The following PCYT1B variants were observed in gnomAD, a reference collection of about 807,000 sequenced individuals.
The protein encoded by PCYT1B is choline-phosphate cytidylyltransferase B.
Under a neutral mutation model 26.4 loss-of-function variants are expected in PCYT1B, and 10 were observed. The ratio of observed to expected loss-of-function variants is 0.38; its 90% CI spans 0.23 to 0.64. PCYT1B has a LOEUF of 0.64. PCYT1B is among the 30% of genes least tolerant of loss of function. The pLI, the probability that PCYT1B is intolerant of heterozygous loss-of-function variation, is 0.56. For missense variants in PCYT1B, 161 were observed against 292.7 expected (o/e 0.55, Z 3.28); for synonymous variants, 131 against 108.4 (o/e 1.21, Z -1.29).
At chrX:24,570,914 A>G (rs1166448100) in intron 7 of PCYT1B, among the ~76,000 whole-genome samples, 3 of 111,487 alleles carry the variant, frequency 2.7e-5, no homozygotes, top group Non-Finnish European at 5.6e-5. Flanking sequence ...AAGGAAAATG[A>G]AGCAAAATGA....
chrX:24,672,799 A>G (rs1474494818), upstream of PCYT1B: 1 of 419,493 alleles, frequency 2.4e-6, no homozygotes, highest in Non-Finnish European at 4.1e-6. Flanking sequence ...CAGTTGTTGA[A>G]TAAGGAGAGA....
intron 5 of PCYT1B, among the ~76,000 whole-genome samples, chrX:24,586,654 G>T (rs1924380303): frequency 8.9e-6 from 1 of 112,158 alleles, no homozygotes; most frequent in African/African-American, 3.2e-5. Flanking sequence ...GGTATGCATG[G>T]GTGTACCTAC....
At chrX:24,577,643 C>T (rs982964530) in intron 6 of PCYT1B, among the ~76,000 whole-genome samples, 1 of 111,947 alleles carries the variant, frequency 8.9e-6, no homozygotes, top group Non-Finnish European at 1.9e-5. Context: ...TCATGATCAA[C>T]GATTCACAAT....
chrX:24,629,592 A>AAAAAAAAAC, intron 1 of PCYT1B, among the ~76,000 whole-genome samples: 1 of 91,534 alleles, frequency 1.1e-5, no homozygotes, highest in Non-Finnish European at 2.2e-5. Flanking sequence ...AAAAAAAAAC[A>AAAAAAAAAC]ACACGTATTT....
chrX:24,579,783 C>T (rs184866236), intron 5 of PCYT1B, among the ~76,000 whole-genome samples: 27 of 111,948 alleles, frequency 2.4e-4, no homozygotes, highest in African/African-American at 8.8e-4. Context: ...TCTTCCTCAT[C>T]CTGCAAAGTC....
intron 7 of PCYT1B, among the ~76,000 whole-genome samples, chrX:24,563,719 G>A (rs1266355171): frequency 4.5e-5 from 5 of 111,517 alleles, no homozygotes; most frequent in Non-Finnish European, 7.5e-5. Context: ...CATATCAGGC[G>A]GCAGTTTCAC....
chrX:24,595,898 A>AG (rs1924763437), intron 3 of PCYT1B, among the ~76,000 whole-genome samples: 1 of 110,355 alleles, frequency 9.1e-6, no homozygotes, highest in Admixed American at 9.7e-5. Context: ...AAAAAAAAAA[A>AG]AAGACTGAGA....
intron 3 of PCYT1B, among the ~76,000 whole-genome samples, chrX:24,604,173 G>A (rs759435563): frequency 8.3e-5 from 9 of 108,436 alleles, no homozygotes; most frequent in African/African-American, 1.7e-4. Context: ...TGCAACCTCC[G>A]CCTCCCAGGT....
intron 1 of PCYT1B, among the ~76,000 whole-genome samples, chrX:24,630,537 C>T (rs766193200): frequency 3.6e-5 from 4 of 112,030 alleles, no homozygotes; most frequent in Non-Finnish European, 7.5e-5. Flanking sequence ...CCTCGTGATC[C>T]GCCCGCCTTG....
chrX:24,579,288 T>C (rs1241894055), intron 6 of PCYT1B, 28 bp downstream of exon 6: 2 of 1,202,436 alleles, frequency 1.7e-6, no homozygotes, highest in South Asian at 3.5e-5. Flanking sequence ...CATGGTGGTC[T>C]TCAGAGGGTT....
At chrX:24,652,506 C>A (rs186670751) in intron 1 of PCYT1B, among the ~76,000 whole-genome samples, 25 of 107,840 alleles carry the variant, frequency 2.3e-4, no homozygotes, top group Admixed American at 2.3e-3. Context: ...TTGCAGTGAG[C>A]AGAAATCACA....
chrX:24,559,074 T>C lies in PCYT1B; in HGVS notation c.*3219A>G, dbSNP rs1273202932. 9.0e-6 allele frequency: 1 copy of C among 111,433 alleles called. No homozygotes were observed. The highest frequency in any genetic ancestry group is 1.9e-5 in the Non-Finnish European group (1 of 53,074). The allele number at this position is 111,433 out of a possible 1,213,427, so 9.2% of individuals were successfully genotyped here. On this transcript the variant is annotated 3_prime_UTR_variant, in exon 8 of 8. Transcript: ENST00000379144. Reference sequence around the variant, plus strand: ...GCTCGTGCTCATAATCCCAGCACTTTGGGAGGCCGAGGCGGGAGAATCACC... The same window carrying C: ...GCTCGTGCTCATAATCCCAGCACTTCGGGAGGCCGAGGCGGGAGAATCACC...
At position 24,561,328 on chromosome X, in the gene PCYT1B, C is replaced by A. The variant is rs750961877; in HGVS notation, c.*965G>T. On this transcript the variant is annotated 3_prime_UTR_variant, in exon 8 of 8. Coordinates refer to ENST00000379144, the MANE Select transcript of PCYT1B (RefSeq NM_004845.5). Reference sequence around the variant, plus strand: ...TATTGGAGCATATATAGAACAGATACGTGCAGGTAGCACCCCCTATTGGTA... The same window carrying A: ...TATTGGAGCATATATAGAACAGATAAGTGCAGGTAGCACCCCCTATTGGTA... The A allele has an allele frequency of 8.1e-5, 9 of 111,785 alleles. No homozygotes were observed. The highest frequency in any genetic ancestry group is 1.5e-4 in the Non-Finnish European group (8 of 53,151). The allele number at this position is 111,785 out of a possible 1,213,427, so 9.2% of individuals were successfully genotyped here.
At chrX:24,563,910 G>T (rs888496622) in intron 7 of PCYT1B, among the ~76,000 whole-genome samples, 2 of 111,638 alleles carry the variant, frequency 1.8e-5, no homozygotes, top group African/African-American at 6.5e-5. Context: ...GGCCAGGCGC[G>T]GTGGCTTATG....
intron 5 of PCYT1B, among the ~76,000 whole-genome samples, chrX:24,586,359 G>A (rs931276273): frequency 8.9e-6 from 1 of 112,704 alleles, no homozygotes; most frequent in African/African-American, 3.2e-5. Flanking sequence ...GAAGGAGATA[G>A]GAGCCTGGGT....
At chrX:24,646,472 T>G (rs1926627510) in intron 1 of PCYT1B, among the ~76,000 whole-genome samples, 1 of 111,588 alleles carries the variant, frequency 9.0e-6, no homozygotes, top group Non-Finnish European at 1.9e-5. Flanking sequence ...ATTGAGGGAC[T>G]CCTATGTATT....
chrX:24,607,148 G>A (rs1569246023), intron 3 of PCYT1B, among the ~76,000 whole-genome samples: 1 of 111,815 alleles, frequency 8.9e-6, no homozygotes, highest in African/African-American at 3.2e-5. Context: ...CACATCTAAC[G>A]ATCCTTCTCT....
chrX:24,610,104 A>G (rs750712833), intron 2 of PCYT1B, among the ~76,000 whole-genome samples: 6 of 110,799 alleles, frequency 5.4e-5, no homozygotes, highest in Non-Finnish European at 1.1e-4. Context: ...TTATATATAT[A>G]TATATATGCA....
intron 1 of PCYT1B, among the ~76,000 whole-genome samples, chrX:24,621,222 A>G (rs1443325850): frequency 1.8e-5 from 2 of 111,386 alleles, no homozygotes; most frequent in East Asian, 5.6e-4. Flanking sequence ...TGAGGCAGGA[A>G]ATATTTTTGA....
Sources: gnomAD v4.1 joint callset for allele counts (sites outside exome capture counted in the v4.1 genomes callset) on GRCh38, gnomAD v4.1.1 for gene constraint, MANE v1.5 for transcripts, NCBI Gene and HGNC (gene_info 2026-07-23, HGNC 2026-07-21) for gene names.